EDRF1: variants seen among roughly 807,000 people sequenced by gnomAD.
The protein encoded by EDRF1 is erythroid differentiation-related factor 1.
A neutral mutation model predicts 148.7 loss-of-function variants in EDRF1; 69 were observed. The observed-to-expected ratio is 0.46, with a 90% CI of 0.38 to 0.57. The LOEUF (loss-of-function observed/expected upper bound fraction) is 0.57, where lower values mean the gene tolerates loss of function less well. Among genes scored for constraint, EDRF1 ranks in the 20% least tolerant of loss-of-function variants. The pLI, the probability that EDRF1 is intolerant of heterozygous loss-of-function variation, is 0.00. For missense variants in EDRF1, 1,118 were observed against 1,478.7 expected (o/e 0.76, Z 4.00); for synonymous variants, 515 against 532.8 (o/e 0.97, Z 0.46).
In EDRF1 at chr10:125,763,478, C is replaced by G; in HGVS notation, c.*6C>G. 1 of 1,605,018 alleles carries G rather than the reference C, an allele frequency of 6.2e-7. No individual in the cohort carries two copies. Among genetic ancestry groups the G allele is most frequent in the South Asian group, 1.1e-5 (1 of 91,066 alleles). ...GCAGCAATGCCGTTCAGTGACTGCACAGAGCCGTGTCCCAGACACGCTGTC... is the reference window on the plus strand; with the variant it reads ...GCAGCAATGCCGTTCAGTGACTGCAGAGAGCCGTGTCCCAGACACGCTGTC... On this transcript the variant is annotated 3_prime_UTR_variant, in exon 25 of 25. Transcript: ENST00000356792. The surrounding 1 kb of genome is among the most constrained non-coding windows in gnomAD (Gnocchi z 4.3).
chr10:125,733,207 G>T (rs916408971), intron 9 of EDRF1, among the ~76,000 whole-genome samples, 197 bp from the exon 10 acceptor site: 1 of 152,186 alleles, frequency 6.6e-6, no homozygotes, highest in Non-Finnish European at 1.5e-5. Flanking sequence ...ATAGTGAACT[G>T]CCCTTGCTGA....
At chr10:125,738,883 T>C (rs1014560409) in intron 15 of EDRF1, among the ~76,000 whole-genome samples, 2 of 152,236 alleles carry the variant, frequency 1.3e-5, no homozygotes, top group African/African-American at 2.4e-5. Flanking sequence ...GATTAATATA[T>C]GTAAAGTGCT....
At position 125,719,859 on chromosome 10, in the gene EDRF1, G is replaced by A; in HGVS notation, c.52G>A (p.Ala18Thr). ...CGAGGGTCCGCCGGCCGGGGCCGCC[G>A]CTCGAGGAGGGCTCAGCCTCCTGTC... Reference protein sequence around the residue: ...GAEGPPAGAAARGGLSLLSQG... With the variant: ...GAEGPPAGAATRGGLSLLSQG... Residue 18 changes from alanine (A) to threonine (T), a missense_variant, in exon 1 of 25, where the codon GCT (alanine) becomes ACT (threonine). Around this residue, in one of 3 missense-constraint regions of EDRF1, gnomAD observed 65 missense variants for 50.3 expected, o/e 1.29. Coordinates refer to ENST00000356792, the MANE Select transcript of EDRF1 (RefSeq NM_001202438.2). 6.2e-7 allele frequency: 1 copy of A among 1,612,890 alleles called. No individual in the cohort carries two copies. The highest frequency in any genetic ancestry group is 8.5e-7 in the Non-Finnish European group (1 of 1,179,792).
At position 125,729,031 on chromosome 10, in the gene EDRF1, T is replaced by C; in HGVS notation, c.821T>C (p.Ile274Thr). Reference sequence around the variant, plus strand: ...AGTGAGCCTCTTGAACCCTCATACATAGTGGGGCATGTGGCCTCAGCCCCC... The same window carrying C: ...AGTGAGCCTCTTGAACCCTCATACACAGTGGGGCATGTGGCCTCAGCCCCC... ...QGSEPLEPSY[I>T]VGHVASAPKE... The change falls in exon 7 of 25, where the codon ATA becomes ACA. Residue 274 changes from isoleucine to threonine, a missense_variant. Coordinates refer to ENST00000356792, the MANE Select transcript of EDRF1 (RefSeq NM_001202438.2). 1 of 1,583,376 alleles carries C rather than the reference T, an allele frequency of 6.3e-7. No individual in the cohort carries two copies.
chr10:125,738,474 C>A (rs1253218620), intron 15 of EDRF1, 29 bp downstream of exon 15: 2 of 1,613,350 alleles, frequency 1.2e-6, no homozygotes, highest in Non-Finnish European at 1.7e-6. Flanking sequence ...CAAATAAGGC[C>A]TTCAATAGAA....
intron 22 of EDRF1, 21 bp from the exon 23 acceptor site, chr10:125,752,778 G>A (rs766281827): frequency 1.4e-5 from 21 of 1,492,444 alleles, no homozygotes; most frequent in Middle Eastern, 1.7e-4. Flanking sequence ...AGAAATGAAC[G>A]TTTTGTATTT....
intron 24 of EDRF1, among the ~76,000 whole-genome samples, chr10:125,758,193 C>A (rs1850007349): frequency 6.6e-6 from 1 of 152,194 alleles, no homozygotes; most frequent in Non-Finnish European, 1.5e-5. Flanking sequence ...GCCCTGGGTT[C>A]ATTCTTACAG....
At chr10:125,720,663 T>G (rs561423482) in intron 1 of EDRF1, among the ~76,000 whole-genome samples, 1 of 151,768 alleles carries the variant, frequency 6.6e-6, no homozygotes, top group African/African-American at 2.4e-5. Context: ...ATACAAAAAT[T>G]AGCCGGACGT....
intron 24 of EDRF1, chr10:125,756,700 C>A (rs191219780): frequency 2.9e-6 from 1 of 344,648 alleles, no homozygotes; most frequent in South Asian, 2.4e-5. Flanking sequence ...GATAATATAG[C>A]TACTCAACGT....
rs529484665 is a variant in EDRF1, at chr10:125,740,368, A to G, written c.1982-95A>G. 1.6e-5 allele frequency: 20 copies of G among 1,238,012 alleles called. No homozygotes were observed. The East Asian group carries it at 3.9e-4, about 24-fold the overall frequency. The allele number at this position is 1,238,012 out of a possible 1,614,324, so 76.7% of individuals were successfully genotyped here. A position where few individuals can be genotyped will look rare whatever the true frequency, so the allele number is the denominator to read the frequency against. On this transcript the variant is annotated intron_variant, in intron 15 of 24. Coordinates refer to ENST00000356792, the MANE Select transcript of EDRF1 (RefSeq NM_001202438.2). ...TTTACCAGTCTTGTCACCTAAGTCT[A>G]GAGTGTTTCCATCAAGAAACAGAAA...
At chr10:125,720,302 A>G (rs999842229) in intron 1 of EDRF1, among the ~76,000 whole-genome samples, 4 of 152,132 alleles carry the variant, frequency 2.6e-5, no homozygotes, top group Admixed American at 1.3e-4. Flanking sequence ...AGGTTAGAAT[A>G]TTGAACCCAG....
chr10:125,753,978 G>A (rs1030401325), intron 24 of EDRF1, 133 bp downstream of exon 24: 14 of 905,276 alleles, frequency 1.5e-5, no homozygotes, highest in African/African-American at 5.0e-5. Context: ...CACTTTGGGA[G>A]GCCAAGGCAG....
intron 24 of EDRF1, among the ~76,000 whole-genome samples, chr10:125,758,399 CTT>C (rs752943671): frequency 4.6e-5 from 7 of 152,220 alleles, no homozygotes; most frequent in Non-Finnish European, 7.4e-5. Context: ...CCGTATATCT[CTT>C]GTTTGTTGAA....
At chr10:125,750,478 T>G (rs984133617) in intron 22 of EDRF1, 2 of 152,250 alleles carry the variant, frequency 1.3e-5, no homozygotes, top group Non-Finnish European at 2.9e-5. Flanking sequence ...TTGAGAAATA[T>G]CTCCTGTGTG....
chr10:125,732,269 G>A (rs933296298), intron 9 of EDRF1, among the ~76,000 whole-genome samples: 2 of 152,176 alleles, frequency 1.3e-5, no homozygotes, highest in East Asian at 1.9e-4. Flanking sequence ...CAGATAAAGC[G>A]TTAGCAAGGC....
chr10:125,745,991 T>C (rs1849335369), intron 19 of EDRF1, 61 bp downstream of exon 19: 18 of 1,533,118 alleles, frequency 1.2e-5, no homozygotes, highest in Non-Finnish European at 1.3e-5. Flanking sequence ...ATTTACATTT[T>C]GCCAGTTTCA....
chr10:125,763,491 C>G lies in EDRF1; in HGVS notation c.*19C>G. ...TCAGTGACTGCACAGAGCCGTGTCC[C>G]AGACACGCTGTCAGTGCCTTCAACA... On this transcript the variant is annotated 3_prime_UTR_variant, in exon 25 of 25. Transcript: ENST00000356792. This position sits in a 1 kb window ranked among gnomAD's most constrained non-coding sequence, Gnocchi z 4.3. 1 of 1,602,662 alleles carries G rather than the reference C, an allele frequency of 6.2e-7. No individual in the cohort carries two copies. The highest frequency in any genetic ancestry group is 8.5e-7 in the Non-Finnish European group (1 of 1,179,238).
chr10:125,719,839 G>A lies in EDRF1; in HGVS notation c.32G>A (p.Gly11Asp), dbSNP rs887113113. The A allele has an allele frequency of 6.2e-6, 10 of 1,612,080 alleles. No individual in the cohort carries two copies. Among genetic ancestry groups the A allele is most frequent in the Non-Finnish European group, 8.5e-6 (10 of 1,179,590 alleles). Reference sequence around the variant, plus strand: ...GATGCCAAGGAGGCCGGAGCCGAGGGTCCGCCGGCCGGGGCCGCCGCTCGA... The same window carrying A: ...GATGCCAAGGAGGCCGGAGCCGAGGATCCGCCGGCCGGGGCCGCCGCTCGA... MGDAKEAGAE[G>D]PPAGAAARGG... is the part of the protein sequence containing the mutation. Residue 11 changes from glycine (G) to aspartate (D), a missense_variant, in exon 1 of 25, where the codon GGT (glycine) becomes GAT (aspartate). By Grantham distance (94) the Gly-to-Asp change is moderately conservative (BLOSUM62 -1). Transcript: ENST00000356792.
chr10:125,720,628 T>C (rs1847937954), intron 1 of EDRF1, among the ~76,000 whole-genome samples: 2 of 152,040 alleles, frequency 1.3e-5, no homozygotes, highest in Non-Finnish European at 2.9e-5. Flanking sequence ...CTGGCCAACA[T>C]GGCAAAACCC....
Sources: gnomAD v4.1 joint callset for allele counts (sites outside exome capture counted in the v4.1 genomes callset) on GRCh38, gnomAD v4.1.1 for gene constraint, gnomAD v4.1.1 regional missense constraint, Gnocchi (gnomAD v3.1) non-coding constraint, MANE v1.5 for transcripts, NCBI Gene and HGNC (gene_info 2026-07-23, HGNC 2026-07-21) for gene names.